GPX6: variants seen among roughly 807,000 people sequenced by gnomAD.
The protein encoded by GPX6 is glutathione peroxidase 6, also known as glutathione peroxidase 6 (olfactory).
A neutral mutation model predicts 20.0 loss-of-function variants in GPX6; 21 were observed. That is an observed-to-expected ratio of 1.05 (90% CI 0.74 to 1.51). The LOEUF is 1.51. Among genes scored for constraint, GPX6 ranks in the 40% most tolerant of loss-of-function variants. The pLI, the probability that GPX6 is intolerant of heterozygous loss-of-function variation, is 0.00. For synonymous variants in GPX6, 75 were observed against 98.0 expected, an observed-to-expected ratio of 0.77 and a Z score of 1.38; for missense variants, 233 against 254.7, an observed-to-expected ratio of 0.91 and a Z score of 0.58.
chr6:28,511,441 A>T (rs1762871699), intron 1 of GPX6, among the ~76,000 whole-genome samples: 2 of 152,224 alleles, frequency 1.3e-5, no homozygotes, highest in Non-Finnish European at 2.9e-5. Context: ...TGCTGGGTAG[A>T]GAAAGGCGGG....
chr6:28,510,920 A>G lies in GPX6; in HGVS notation c.88-16T>C. 6.3e-7 allele frequency: 1 copy of G among 1,590,040 alleles called. No homozygotes were observed. Among genetic ancestry groups the G allele is most frequent in the South Asian group, 1.1e-5 (1 of 87,862 alleles). On this transcript the variant is annotated splice_polypyrimidine_tract_variant and intron_variant, in intron 1 of 4. Transcript: ENST00000361902. ...TGCAATCCACCTGGAATTTTACAAA[A>G]ATAACCATAACGATATAAGATAAAA...
chr6:28,508,749 G>A (rs1448529423), intron 2 of GPX6, among the ~76,000 whole-genome samples: 1 of 152,184 alleles, frequency 6.6e-6, no homozygotes, highest in East Asian at 1.9e-4. Context: ...AGAGGTTACA[G>A]TGAGCCAAGA....
chr6:28,512,114 A>G (rs181175009), intron 1 of GPX6, among the ~76,000 whole-genome samples: 2,722 of 152,272 alleles, frequency 0.018, 72 homozygotes, highest in African/African-American at 0.055. Flanking sequence ...CCCGACGAGC[A>G]CCGCCCCCTG....
At chr6:28,512,968 C>A (rs536188576) in intron 1 of GPX6, among the ~76,000 whole-genome samples, 1 of 152,092 alleles carries the variant, frequency 6.6e-6, no homozygotes, top group African/African-American at 2.4e-5. Context: ...GGAACAAATT[C>A]TGGACACGCT....
intron 1 of GPX6, 53 bp from the exon 2 acceptor site, chr6:28,510,957 A>G (rs986479271): frequency 3.4e-6 from 5 of 1,484,316 alleles, no homozygotes; most frequent in Non-Finnish European, 4.6e-6. Flanking sequence ...ATAATTCCCA[A>G]CATTTGTGGA....
intron 1 of GPX6, 114 bp downstream of exon 1, chr6:28,515,543 G>A: frequency 1.4e-6 from 1 of 737,414 alleles, no homozygotes; most frequent in Non-Finnish European, 2.4e-6. Context: ...AAGAAGGGCT[G>A]GGAATGCAGA....
In GPX6 at chr6:28,504,099, T is replaced by TACACACACACACACACACACACAC; in HGVS notation, c.*169_*192dup. 1 of 564,784 alleles carries TACACACACACACACACACACACAC rather than the reference T, an allele frequency of 1.8e-6. No individual in the cohort carries two copies. Among genetic ancestry groups the TACACACACACACACACACACACAC allele is most frequent in the East Asian group, 3.0e-5 (1 of 33,850 alleles). 35.0% of individuals were successfully genotyped at this position (564,784 alleles called of 1,614,324 possible). ...CAACAAATACAATTCTACATATCCATACACACACACACACACACACACACA... is the reference window on the plus strand; with the variant it reads ...CAACAAATACAATTCTACATATCCATACACACACACACACACACACACACACACACACACACACACACACACACA... On this transcript the variant is annotated 3_prime_UTR_variant, in exon 5 of 5. Coordinates refer to ENST00000361902, the MANE Select transcript of GPX6 (RefSeq NM_182701.1).
At chr6:28,506,285 T>C (rs1292567634) in intron 3 of GPX6, 27 bp downstream of exon 3, 1 of 1,339,884 alleles carries the variant, frequency 7.5e-7, no homozygotes, top group Non-Finnish European at 1.1e-6. Context: ...CGACAGGGCA[T>C]CTGCAGGGTC....
chr6:28,512,646 C>T (rs1214396086), intron 1 of GPX6, among the ~76,000 whole-genome samples: 1 of 152,152 alleles, frequency 6.6e-6, no homozygotes, highest in African/African-American at 2.4e-5. Flanking sequence ...CCGTGGGTCC[C>T]CTTCCACACT....
chr6:28,512,905 A>G (rs1392013726), intron 1 of GPX6, among the ~76,000 whole-genome samples: 1 of 152,188 alleles, frequency 6.6e-6, no homozygotes, highest in Non-Finnish European at 1.5e-5. Flanking sequence ...TGAGCCAGCA[A>G]GACCACAAAC....
At chr6:28,510,179 A>G (rs935960233) in intron 2 of GPX6, among the ~76,000 whole-genome samples, 6 of 152,256 alleles carry the variant, frequency 3.9e-5, no homozygotes, top group Non-Finnish European at 7.3e-5. Flanking sequence ...TAGACAAAGC[A>G]CGAACATTGT....
At position 28,512,288 on chromosome 6, in the gene GPX6, C is replaced by T. The variant is rs572322030; in HGVS notation, c.88-1384G>A. ...GGACTGGGAGAACCTTTATGTCTAG[C>T]TAAGGGATTGTAAATACACCAATCG... On this transcript the variant is annotated intron_variant, in intron 1 of 4. Transcript: ENST00000361902. Among the ~76,000 whole-genome samples, 8 of 152,326 alleles carry T rather than the reference C, an allele frequency of 5.3e-5. No homozygotes were observed. The East Asian group carries it at 1.4e-3, about 26-fold the overall frequency.
chr6:28,506,706 AACACAC>A lies in GPX6; in HGVS notation c.242-283_242-278del, dbSNP rs56155284. ...ATGAGAACTCTTATTTTTTTTTTTAAACACACACACACACACACACACACACACACG... is the reference window on the plus strand; with the variant it reads ...ATGAGAACTCTTATTTTTTTTTTTAAACACACACACACACACACACACACG... On this transcript the variant is annotated intron_variant, in intron 2 of 4. Coordinates refer to ENST00000361902, the MANE Select transcript of GPX6 (RefSeq NM_182701.1). 5.4e-3 allele frequency among the ~76,000 whole-genome samples: 787 copies of A among 145,172 alleles called. 18 individuals carry two copies. Among genetic ancestry groups the A allele is most frequent in the Non-Finnish European group, 1.7e-3 (114 of 66,462 alleles).
At chr6:28,505,611 C>T (rs1762799535) in intron 4 of GPX6, 92 bp downstream of exon 4, 3 of 964,322 alleles carry the variant, frequency 3.1e-6, no homozygotes, top group African/African-American at 1.6e-5. Flanking sequence ...CATCTCTTTT[C>T]CAAGGAGTCC....
intron 2 of GPX6, among the ~76,000 whole-genome samples, chr6:28,510,381 C>A (rs918705846): frequency 6.6e-6 from 1 of 152,182 alleles, no homozygotes; most frequent in Admixed American, 6.5e-5. Context: ...TCCTTGAACT[C>A]GTCTCCAAAT....
Position 28,504,136 on chromosome 6 carries a change from A to G in GPX6, c.*156T>C. On this transcript the variant is annotated 3_prime_UTR_variant, in exon 5 of 5. Transcript: ENST00000361902. ...CACACACACACACAGCTACACACACATGCTAAGCAGGTGCTTGGGTAGTAC... is the reference window on the plus strand; with the variant it reads ...CACACACACACACAGCTACACACACGTGCTAAGCAGGTGCTTGGGTAGTAC... 3.2e-6 allele frequency: 2 copies of G among 630,552 alleles called. No homozygotes were observed. Among genetic ancestry groups the G allele is most frequent in the Non-Finnish European group, 2.8e-6 (1 of 356,126 alleles). 39.1% of individuals were successfully genotyped at this position (630,552 alleles called of 1,614,324 possible). A position where few individuals can be genotyped will look rare whatever the true frequency, so the allele number is the denominator to read the frequency against.
In GPX6 at chr6:28,503,420, CT is replaced by C. The variant is rs1262042670; in HGVS notation, c.*871del. 1 of 152,342 alleles carries C rather than the reference CT, an allele frequency of 6.6e-6. No individual in the cohort carries two copies. The highest frequency in any genetic ancestry group is 1.5e-5 in the Non-Finnish European group (1 of 68,096). The allele number at this position is 152,342 out of a possible 1,614,324, so 9.4% of individuals were successfully genotyped here. On this transcript the variant is annotated 3_prime_UTR_variant, in exon 5 of 5. Transcript: ENST00000361902. ...AGTGACAGAGAAAGAAGAAGTATGA[CT>C]GGACATAATATGGGACTGGGAAAAC...
At chr6:28,512,085 C>T (rs550094437) in intron 1 of GPX6, among the ~76,000 whole-genome samples, 2 of 152,362 alleles carry the variant, frequency 1.3e-5, no homozygotes, top group African/African-American at 4.8e-5. Flanking sequence ...TCCGTGGGCT[C>T]CTGCGCGGCC....
intron 3 of GPX6, 94 bp from the exon 4 acceptor site, chr6:28,505,896 A>G: frequency 1.1e-6 from 1 of 913,062 alleles, no homozygotes; most frequent in Non-Finnish European, 1.8e-6. Flanking sequence ...AGGAAATTCA[A>G]GATAAAGGGA....
Sources: allele counts gnomAD v4.1 joint callset (sites outside exome capture counted in the v4.1 genomes callset), GRCh38; gene constraint gnomAD v4.1.1; transcripts MANE v1.5; gene names NCBI Gene and HGNC (gene_info 2026-07-23, HGNC 2026-07-21).